The following HECW2 variants were observed in gnomAD, a reference collection of about 807,000 sequenced individuals.
The protein encoded by HECW2 is E3 ubiquitin-protein ligase HECW2.
In HECW2, 61 loss-of-function variants were observed where a neutral mutation model predicts 175.2. The ratio of observed to expected loss-of-function variants is 0.35; its 90% CI spans 0.28 to 0.43. HECW2 has a LOEUF of 0.43. HECW2 is among the 20% of genes least tolerant of loss of function. The pLI, the probability that HECW2 is intolerant of heterozygous loss-of-function variation, is 1.00. For synonymous variants in HECW2, 671 were observed against 731.0 expected, an observed-to-expected ratio of 0.92 and a Z score of 1.32; for missense variants, 1,524 against 2,000.5, an observed-to-expected ratio of 0.76 and a Z score of 4.54.
chr2:196,445,344 G>T (rs1473576510), intron 1 of HECW2, among the ~76,000 whole-genome samples: 1 of 152,122 alleles, frequency 6.6e-6, no homozygotes, highest in Non-Finnish European at 1.5e-5. Context: ...GAGTTACAAA[G>T]GTAGATCCAT....
intron 1 of HECW2, among the ~76,000 whole-genome samples, chr2:196,482,375 A>C (rs1686870885): frequency 6.6e-6 from 1 of 152,230 alleles, no homozygotes; most frequent in Admixed American, 6.5e-5. Flanking sequence ...CATGGTGGAC[A>C]GGCAACTCCA....
Position 196,225,784 on chromosome 2 carries a change from G to T in HECW2, c.4004C>A (p.Ala1335Asp). The T allele has an allele frequency of 6.3e-7, 1 of 1,595,752 alleles. No homozygotes were observed. The highest frequency in any genetic ancestry group is 8.6e-7 in the Non-Finnish European group (1 of 1,163,390). Residue 1335 changes from alanine (A) to aspartate (D), a missense_variant, in exon 23 of 29, where the codon GCT becomes GAT. By Grantham distance (126) the Ala-to-Asp change is moderately radical. Transcript: ENST00000644978. Reference sequence around the variant, plus strand: ...AAAATATTCTTACATTCTGAGAAGAGCCTTATAAAAGGGCCGTGTGAAGAA... The same window carrying T: ...AAAATATTCTTACATTCTGAGAAGATCCTTATAAAAGGGCCGTGTGAAGAA... The part of the protein sequence containing the change: ...DAFFTRPFYK[A>D]LLRILCDLSD...
chr2:196,545,138 T>C (rs1689368644), intron 1 of HECW2, among the ~76,000 whole-genome samples: 1 of 152,090 alleles, frequency 6.6e-6, no homozygotes, highest in African/African-American at 2.4e-5. Flanking sequence ...AATAATAGAG[T>C]GACAGAGGAA....
At chr2:196,338,083 T>C (rs902505930) in intron 3 of HECW2, among the ~76,000 whole-genome samples, 1 of 152,174 alleles carries the variant, frequency 6.6e-6, no homozygotes, top group Admixed American at 6.5e-5. Context: ...GCATGCCTGC[T>C]CCCCTCTACC....
chr2:196,295,830 T>A (rs1231853781), intron 13 of HECW2, among the ~76,000 whole-genome samples: 1 of 152,216 alleles, frequency 6.6e-6, no homozygotes, highest in African/African-American at 2.4e-5. Context: ...GGTCTTATAA[T>A]TAATTATGTC....
chr2:196,461,456 A>G (rs532911934), intron 1 of HECW2, among the ~76,000 whole-genome samples: 1 of 152,240 alleles, frequency 6.6e-6, no homozygotes, highest in Non-Finnish European at 1.5e-5. Flanking sequence ...ATTTTCATAC[A>G]CACACCATGC....
chr2:196,304,289 G>A (rs1031866521), intron 13 of HECW2, among the ~76,000 whole-genome samples: 3 of 152,078 alleles, frequency 2.0e-5, no homozygotes, highest in African/African-American at 7.2e-5. Flanking sequence ...CGGCTTGAAT[G>A]TGGCTCCCTT....
At chr2:196,389,687 C>G (rs1249796576) in intron 2 of HECW2, among the ~76,000 whole-genome samples, 1 of 152,172 alleles carries the variant, frequency 6.6e-6, no homozygotes, top group Non-Finnish European at 1.5e-5. Flanking sequence ...AGAAAGGTAA[C>G]TTTGAAAGGG....
At chr2:196,384,001 T>C (rs1017435264) in intron 2 of HECW2, among the ~76,000 whole-genome samples, 8 of 152,208 alleles carry the variant, frequency 5.3e-5, no homozygotes, top group Non-Finnish European at 1.2e-4. Context: ...AACAGGTTAC[T>C]GAGGGTTAGA....
intron 4 of HECW2, chr2:196,331,083 C>T (rs1022387710): frequency 1.7e-5 from 15 of 895,840 alleles, no homozygotes; most frequent in East Asian, 1.2e-4. Context: ...CTACTGCCTC[C>T]GCTGTAACTC....
At chr2:196,320,296 T>C in intron 8 of HECW2, 43 bp downstream of exon 8, 1 of 1,187,842 alleles carries the variant, frequency 8.4e-7, no homozygotes, top group African/African-American at 1.5e-5. Context: ...TTAACAAGTT[T>C]TTCCTATAGC....
chr2:196,435,526 T>C (rs1695843139), intron 1 of HECW2, among the ~76,000 whole-genome samples: 1 of 152,200 alleles, frequency 6.6e-6, no homozygotes, highest in Non-Finnish European at 1.5e-5. Flanking sequence ...GCCACAACCC[T>C]TATAGCTTAA....
chr2:196,202,169 T>C (rs76566630), intron 28 of HECW2, among the ~76,000 whole-genome samples: 5,122 of 152,228 alleles, frequency 0.034, 298 homozygotes, highest in East Asian at 0.28. Context: ...ATAGGAAACA[T>C]TCTATTCTGA....
chr2:196,198,619 T>C lies in HECW2; in HGVS notation c.*2658A>G, dbSNP rs1314213343. 2.0e-5 allele frequency: 3 copies of C among 152,180 alleles called. No individual in the cohort carries two copies. Among genetic ancestry groups the C allele is most frequent in the African/African-American group, 2.4e-5 (1 of 41,432 alleles). The allele number at this position is 152,180 out of a possible 1,614,324, so 9.4% of individuals were successfully genotyped here. A position where few individuals can be genotyped will look rare whatever the true frequency, so the allele number is the denominator to read the frequency against. On this transcript the variant is annotated 3_prime_UTR_variant, in exon 29 of 29. Coordinates refer to ENST00000644978, the MANE Select transcript of HECW2 (RefSeq NM_001348768.2). ...CTAAGAGATGTTCTGCATACATATATGATGTATTAAGAGTGTCTTCTATAG... is the reference window on the plus strand; with the variant it reads ...CTAAGAGATGTTCTGCATACATATACGATGTATTAAGAGTGTCTTCTATAG...
intron 2 of HECW2, among the ~76,000 whole-genome samples, chr2:196,411,350 C>T (rs536296882): frequency 7.9e-5 from 12 of 152,256 alleles, no homozygotes; most frequent in South Asian, 2.1e-4. Flanking sequence ...GTGCAGTGCT[C>T]TTCCTTTTTA....
chr2:196,396,769 C>T (rs1266454110), intron 2 of HECW2, among the ~76,000 whole-genome samples: 1 of 151,742 alleles, frequency 6.6e-6, no homozygotes, highest in Non-Finnish European at 1.5e-5. Context: ...TTCCAGCAAA[C>T]TATTGTCTTG....
In HECW2 at chr2:196,297,314, T is replaced by C. The variant is rs576249597; in HGVS notation, c.2815-4564A>G. ...CATCGTCCTAGCAAGAAATAAGCAC[T>C]TGATGGTTGAGTGAATGATCAACTG... On this transcript the variant is annotated intron_variant, in intron 13 of 28. Coordinates refer to ENST00000644978, the MANE Select transcript of HECW2 (RefSeq NM_001348768.2). Among the ~76,000 whole-genome samples the C allele has an allele frequency of 2.1e-4, 32 of 152,332 alleles. 1 individual carries two copies. The highest frequency in any genetic ancestry group is 7.5e-4 in the African/African-American group (31 of 41,582).
intron 17 of HECW2, among the ~76,000 whole-genome samples, chr2:196,265,190 T>C (rs1460275800): frequency 1.3e-5 from 2 of 152,064 alleles, no homozygotes; most frequent in African/African-American, 4.8e-5. Context: ...AAATTAATAG[T>C]TGAATTAAAG....
At chr2:196,468,558 G>C (rs940978211) in intron 1 of HECW2, among the ~76,000 whole-genome samples, 16 of 152,236 alleles carry the variant, frequency 1.1e-4, no homozygotes, top group African/African-American at 2.9e-4. Flanking sequence ...TTGGAGTGGA[G>C]CCTGAGAATC....
Sources: gnomAD v4.1 joint callset for allele counts (sites outside exome capture counted in the v4.1 genomes callset) on GRCh38, gnomAD v4.1.1 for gene constraint, MANE v1.5 for transcripts, NCBI Gene and HGNC (gene_info 2026-07-23, HGNC 2026-07-21) for gene names.